PRIM2: variants seen among roughly 807,000 people sequenced by gnomAD.
PRIM2 encodes the protein DNA primase large subunit.
In PRIM2, 39 loss-of-function variants were observed where a neutral mutation model predicts 67.3. That is an observed-to-expected ratio of 0.58 (90% confidence interval 0.45 to 0.76). The LOEUF (loss-of-function observed/expected upper bound fraction) is 0.76. Ranked by LOEUF, PRIM2 falls within the 30% of genes least tolerant of loss-of-function variation. The probability of loss-of-function intolerance (pLI) is 0.00; values close to 1 mark genes in which losing one functional copy is unlikely to be tolerated. For missense variants in PRIM2, 398 were observed against 598.7 expected (o/e 0.66, Z 3.50); for synonymous variants, 143 against 198.7 (o/e 0.72, Z 2.36).
chr6:57,498,782 C>T (rs1774064790), intron 7 of PRIM2, among the ~76,000 whole-genome samples: 2 of 152,012 alleles, frequency 1.3e-5, no homozygotes, highest in Admixed American at 6.6e-5. Context: ...AAAATGAAGC[C>T]ACCCTCTTGT....
chr6:57,588,566 G>T lies in PRIM2; in HGVS notation c.1021-12527G>T, dbSNP rs1344822473. Among the ~76,000 whole-genome samples the T allele has an allele frequency of 6.6e-5, 10 of 151,692 alleles. No individual in the cohort carries two copies. The South Asian group carries it at 1.9e-3, about 29-fold the overall frequency. The stretch of plus-strand genomic sequence containing the variant: ...CCTCTTGAGCACTGGGCAATTCCAG[G>T]CCCAGTGTCTTTTTTCCTCATGATA... On this transcript the variant is annotated intron_variant, in intron 10 of 13. Transcript: ENST00000615550.
intron 10 of PRIM2, among the ~76,000 whole-genome samples, chr6:57,560,787 G>A (rs1775611485): frequency 6.6e-6 from 1 of 152,132 alleles, no homozygotes; most frequent in Non-Finnish European, 1.5e-5. Context: ...TCAATAGTGG[G>A]CTTAACTGTT....
chr6:57,368,658 A>G (rs1015403042), intron 5 of PRIM2, among the ~76,000 whole-genome samples: 4 of 152,220 alleles, frequency 2.6e-5, no homozygotes, highest in Admixed American at 2.6e-4. Context: ...TGGGTATGGC[A>G]TGTTTTAAGT....
At chr6:57,563,950 C>A (rs1296463641) in intron 10 of PRIM2, among the ~76,000 whole-genome samples, 1 of 152,232 alleles carries the variant, frequency 6.6e-6, no homozygotes, top group Non-Finnish European at 1.5e-5. Context: ...TGAGCTGATG[C>A]GTACAGCCGG....
intron 5 of PRIM2, among the ~76,000 whole-genome samples, chr6:57,338,818 C>T (rs978511705): frequency 7.0e-6 from 1 of 143,588 alleles, no homozygotes; most frequent in African/African-American, 2.6e-5. Context: ...CCTCTCTCAC[C>T]ACTCCTATTC....
intron 10 of PRIM2, among the ~76,000 whole-genome samples, chr6:57,599,281 C>A (rs1421458443): frequency 8.2e-6 from 1 of 121,686 alleles, no homozygotes; most frequent in Non-Finnish European, 1.7e-5. Context: ...GCACGAGCTC[C>A]AGTTAGTGTC....
At chr6:57,521,715 A>C (rs1451514834) in intron 8 of PRIM2, among the ~76,000 whole-genome samples, 1 of 152,216 alleles carries the variant, frequency 6.6e-6, no homozygotes, top group South Asian at 2.1e-4. Context: ...ATGATAAACT[A>C]TAACCTGCCA....
chr6:57,270,555 C>A, the PRIM2 span, among the ~76,000 whole-genome samples: 2 of 152,300 alleles, frequency 1.3e-5, no homozygotes, highest in East Asian at 3.9e-4. Flanking sequence ...TCTAGATATA[C>A]AATCATGTCA....
intron 10 of PRIM2, among the ~76,000 whole-genome samples, chr6:57,558,895 A>G (rs1775572667): frequency 6.6e-6 from 1 of 152,008 alleles, no homozygotes; most frequent in South Asian, 2.1e-4. Flanking sequence ...TGGGTGGCCA[A>G]GGTGGGAAGA....
chr6:57,286,783 C>G, the PRIM2 span, among the ~76,000 whole-genome samples: 1 of 152,176 alleles, frequency 6.6e-6, no homozygotes, highest in Non-Finnish European at 1.5e-5. Flanking sequence ...TAATAAGCTT[C>G]TGCTCAGCAA....
chr6:57,604,618 T>C (rs1263493871), intron 11 of PRIM2, among the ~76,000 whole-genome samples: 1 of 152,066 alleles, frequency 6.6e-6, no homozygotes, highest in Non-Finnish European at 1.5e-5. Context: ...AGATAGTTCT[T>C]ATTATTTTGA....
Position 57,390,407 on chromosome 6 carries a change from G to A in PRIM2, c.693+8239G>A, listed in dbSNP as rs571265228. Among the ~76,000 whole-genome samples the A allele has an allele frequency of 2.0e-5, 3 of 151,856 alleles. No homozygotes were observed. The East Asian group carries it at 5.8e-4, about 29-fold the overall frequency. ...CATATTTCTTTTTTTTTAACTTTTAGGTTTGGGGGTACATGCGAAGGTTTG... is the reference window on the plus strand; with the variant it reads ...CATATTTCTTTTTTTTTAACTTTTAAGTTTGGGGGTACATGCGAAGGTTTG... On this transcript the variant is annotated intron_variant, in intron 7 of 13. Coordinates refer to ENST00000615550, the MANE Select transcript of PRIM2 (RefSeq NM_000947.5).
the PRIM2 span, among the ~76,000 whole-genome samples, chr6:57,230,735 G>T: frequency 2.0e-5 from 3 of 152,144 alleles, no homozygotes; most frequent in African/African-American, 7.2e-5. Context: ...CAAAGACCCT[G>T]GTACTCAATT....
intron 7 of PRIM2, among the ~76,000 whole-genome samples, chr6:57,411,575 T>C (rs1214529727): frequency 6.6e-6 from 1 of 151,502 alleles, no homozygotes; most frequent in Admixed American, 6.6e-5. Flanking sequence ...GCCTTGACCA[T>C]TTATTCATCT....
At chr6:57,229,910 A>C in the PRIM2 span, among the ~76,000 whole-genome samples, 1 of 151,804 alleles carries the variant, frequency 6.6e-6, no homozygotes, top group Non-Finnish European at 1.5e-5. Flanking sequence ...GTGGTTTTTA[A>C]TTTAGGAATG....
intron 7 of PRIM2, among the ~76,000 whole-genome samples, chr6:57,422,102 C>T (rs1263643714): frequency 6.7e-6 from 1 of 149,374 alleles, no homozygotes; most frequent in African/African-American, 2.5e-5. Flanking sequence ...CTTTTTTTTG[C>T]ATTAATTTAT....
the PRIM2 span, among the ~76,000 whole-genome samples, chr6:57,261,567 C>T: frequency 1.3e-5 from 2 of 152,168 alleles, no homozygotes; most frequent in South Asian, 4.2e-4. Flanking sequence ...ACAAGACTAG[C>T]ACATGGCCTC....
chr6:57,617,292 GAC>G (rs1776772739), intron 12 of PRIM2, among the ~76,000 whole-genome samples: 9 of 152,086 alleles, frequency 5.9e-5, no homozygotes, highest in Admixed American at 5.9e-4. Context: ...TTTTTAGGAG[GAC>G]ACCAGTAATA....
chr6:57,495,253 C>T (rs1554346262), intron 7 of PRIM2, among the ~76,000 whole-genome samples: 23 of 151,898 alleles, frequency 1.5e-4, no homozygotes, highest in African/African-American at 4.8e-4. Flanking sequence ...TAAACTAAAC[C>T]GAATGAGTCC....
Sources: allele counts gnomAD v4.1 joint callset (sites outside exome capture counted in the v4.1 genomes callset), GRCh38; gene constraint gnomAD v4.1.1; transcripts MANE v1.5; gene names NCBI Gene and HGNC (gene_info 2026-07-23, HGNC 2026-07-21).